The following MEP1A variants were observed in gnomAD, a reference collection of about 807,000 sequenced individuals.
MEP1A encodes meprin A subunit alpha, also known as N-benzoyl-L-tyrosyl-P-amino-benzoic acid hydrolase subunit alpha.
In MEP1A, 68 loss-of-function variants were observed where a neutral mutation model predicts 84.5. The observed-to-expected ratio is 0.80, with a 90% CI of 0.66 to 0.98. MEP1A has a LOEUF of 0.98. Among genes scored for constraint, MEP1A ranks in the 50% least tolerant of loss-of-function variants. The pLI is 0.00. For missense variants in MEP1A, 887 were observed against 919.9 expected (o/e 0.96, Z 0.46); for synonymous variants, 337 against 336.8 (o/e 1.00, Z -0.01).
At position 46,829,458 on chromosome 6, in the gene MEP1A, T is replaced by C; in HGVS notation, c.1031T>C (p.Leu344Pro). ...ILYPKRKQQC[L>P]QFFYKMTGSP... ...TACCCAAAGAGGAAGCAGCAGTGCC[T>C]GCAATTTTTCTATAAAATGACGGGA... Residue 344 changes from leucine (L) to proline (P), a missense_variant, in exon 10 of 14, where the codon CTG becomes CCG. Coordinates refer to ENST00000230588, the MANE Select transcript of MEP1A (RefSeq NM_005588.3). The C allele has an allele frequency of 5.6e-6, 9 of 1,614,124 alleles. No individual in the cohort carries two copies. The highest frequency in any genetic ancestry group is 6.8e-6 in the Non-Finnish European group (8 of 1,179,974).
intron 7 of MEP1A, among the ~76,000 whole-genome samples, chr6:46,824,175 G>C (rs1267014839): frequency 6.6e-6 from 1 of 151,906 alleles, no homozygotes; most frequent in Non-Finnish European, 1.5e-5. Flanking sequence ...ACATTTTCCT[G>C]AATTCAAAAA....
intron 13 of MEP1A, among the ~76,000 whole-genome samples, chr6:46,837,587 T>A (rs1166462787): frequency 3.9e-5 from 6 of 152,172 alleles, no homozygotes; most frequent in Non-Finnish European, 8.8e-5. Flanking sequence ...CCAGATTCCA[T>A]TATGTGTCCC....
rs182513977 is a variant in MEP1A at position 46,826,923 on chromosome 6, G to T, written c.928+420G>T. Among the ~76,000 whole-genome samples the T allele has an allele frequency of 1.7e-3, 254 of 152,258 alleles. 1 individual carries two copies. The highest frequency in any genetic ancestry group is 6.0e-3 in the African/African-American group (249 of 41,550). ...GTAAAAGAAAACCGTGAAATTAATT[G>T]TAATAATGTATTTTTTAACTCAATA... On this transcript the variant is annotated intron_variant, in intron 9 of 13. Transcript: ENST00000230588.
chr6:46,822,329 C>G (rs1162794131), intron 7 of MEP1A, among the ~76,000 whole-genome samples: 1 of 152,148 alleles, frequency 6.6e-6, no homozygotes, highest in Non-Finnish European at 1.5e-5. Context: ...ATCGCATGCC[C>G]TGGATTACAG....
In MEP1A at chr6:46,835,537, T is replaced by A. The variant is rs1161550333; in HGVS notation, c.2072T>A (p.Met691Lys). The change falls in exon 13 of 14, where the codon ATG becomes AAG. Residue 691 changes from methionine (M) to lysine (K), a missense_variant. Coordinates refer to ENST00000230588, the MANE Select transcript of MEP1A (RefSeq NM_005588.3). ...GGCATCTGTGTGAACGTGAAGGGGATGGCGAGCTGCAGGTAGGCTCTGTGG... is the reference window on the plus strand; with the variant it reads ...GGCATCTGTGTGAACGTGAAGGGGAAGGCGAGCTGCAGGTAGGCTCTGTGG... ...NDGICVNVKG[M>K]ASCRCISGHA... 1.2e-6 allele frequency: 2 copies of A among 1,613,500 alleles called. No homozygotes were observed. The highest frequency in any genetic ancestry group is 2.2e-5 in the South Asian group (2 of 90,936).
intron 9 of MEP1A, among the ~76,000 whole-genome samples, chr6:46,828,181 T>C (rs1767991581): frequency 6.6e-6 from 1 of 151,716 alleles, no homozygotes; most frequent in Admixed American, 6.6e-5. Flanking sequence ...ATAATACACC[T>C]GGGCAAGAAT....
downstream of MEP1A, among the ~76,000 whole-genome samples, chr6:46,842,454 G>T (rs1232059423): frequency 6.6e-6 from 1 of 152,148 alleles, no homozygotes; most frequent in Non-Finnish European, 1.5e-5. Context: ...TGCTCTGGGA[G>T]TGTCTGTCTT....
At chr6:46,797,935 C>T (rs201530268) in intron 3 of MEP1A, among the ~76,000 whole-genome samples, 2,448 of 19,878 alleles carry the variant, frequency 0.12, 69 homozygotes, top group African/African-American at 0.25. Context: ...TCCTTCTTTC[C>T]TTCCTTCCTT....
intron 5 of MEP1A, among the ~76,000 whole-genome samples, chr6:46,802,643 T>C (rs2150741359): frequency 6.6e-6 from 1 of 152,008 alleles, no homozygotes; most frequent in East Asian, 1.9e-4. Context: ...CATCTTTGCC[T>C]CATTGGCTTG....
chr6:46,837,985 G>A lies in MEP1A; in HGVS notation c.2085-995G>A, dbSNP rs369491891. Reference sequence around the variant, plus strand: ...CAGCTCACTGCAACTTCCACCCCCCGGGTTCAAGCAATTCTACTGCCTCAG... The same window carrying A: ...CAGCTCACTGCAACTTCCACCCCCCAGGTTCAAGCAATTCTACTGCCTCAG... On this transcript the variant is annotated intron_variant, in intron 13 of 13. Coordinates refer to ENST00000230588, the MANE Select transcript of MEP1A (RefSeq NM_005588.3). Among the ~76,000 whole-genome samples the A allele has an allele frequency of 4.0e-4, 61 of 151,352 alleles. No homozygotes were observed. In the East Asian group the frequency reaches 8.9e-3, roughly 22 times the overall value.
chr6:46,841,534 G>A (rs1235397531), downstream of MEP1A, among the ~76,000 whole-genome samples: 1 of 152,234 alleles, frequency 6.6e-6, no homozygotes, highest in Non-Finnish European at 1.5e-5. Context: ...TCTAGGCAGT[G>A]TGGAATTCAG....
chr6:46,827,910 A>G (rs1767983657), intron 9 of MEP1A, among the ~76,000 whole-genome samples: 1 of 152,214 alleles, frequency 6.6e-6, no homozygotes, highest in South Asian at 2.1e-4. Flanking sequence ...AGCCCAGAAG[A>G]AAGATCTGGA....
intron 6 of MEP1A, among the ~76,000 whole-genome samples, chr6:46,813,621 T>TC (rs1266577464): frequency 6.6e-6 from 1 of 152,146 alleles, no homozygotes; most frequent in African/African-American, 2.4e-5. Flanking sequence ...TGGTTTTTTT[T>TC]CACTGTGTTA....
chr6:46,825,644 C>G, intron 8 of MEP1A, 151 bp downstream of exon 8: 2 of 615,136 alleles, frequency 3.3e-6, no homozygotes, highest in Non-Finnish European at 5.5e-6. Flanking sequence ...TGGTCTACCT[C>G]TAGACCCATT....
At chr6:46,797,832 TTCTTTC>T (rs1013598835) in intron 3 of MEP1A, among the ~76,000 whole-genome samples, 22 of 132,162 alleles carry the variant, frequency 1.7e-4, no homozygotes, top group African/African-American at 5.3e-4. Flanking sequence ...CTTTCTTTCT[TTCTTTC>T]TCTCTCTCTT....
chr6:46,826,341 A>C lies in MEP1A; in HGVS notation c.779-13A>C, dbSNP rs1344523099. Reference sequence around the variant, plus strand: ...TTTCATTTTTAACCAGATGATAAAAATATAATTTGCAGCCACAACTCACAC... The same window carrying C: ...TTTCATTTTTAACCAGATGATAAAACTATAATTTGCAGCCACAACTCACAC... On this transcript the variant is annotated splice_polypyrimidine_tract_variant and intron_variant, in intron 8 of 13. Coordinates refer to ENST00000230588, the MANE Select transcript of MEP1A (RefSeq NM_005588.3). 1 of 1,578,768 alleles carries C rather than the reference A, an allele frequency of 6.3e-7. No individual in the cohort carries two copies. Among genetic ancestry groups the C allele is most frequent in the Non-Finnish European group, 8.6e-7 (1 of 1,162,674 alleles).
At chr6:46,795,542 G>A (rs895544075) in intron 3 of MEP1A, among the ~76,000 whole-genome samples, 5 of 151,986 alleles carry the variant, frequency 3.3e-5, no homozygotes, top group Admixed American at 2.6e-4. Flanking sequence ...CTTGTGATCC[G>A]CCCACCTTAG....
chr6:46,827,370 C>A (rs1767971985), intron 9 of MEP1A, among the ~76,000 whole-genome samples: 1 of 152,206 alleles, frequency 6.6e-6, no homozygotes. Context: ...CAGCTTCACT[C>A]CCCATTTTTC....
At chr6:46,807,554 AAG>A (rs1320962295) in intron 5 of MEP1A, among the ~76,000 whole-genome samples, 3 of 64,628 alleles carry the variant, frequency 4.6e-5, no homozygotes, top group African/African-American at 2.5e-4. Context: ...GAAAGAAAGA[AAG>A]AAAGAAAGAA....
Sources: allele counts gnomAD v4.1 joint callset (sites outside exome capture counted in the v4.1 genomes callset), GRCh38; gene constraint gnomAD v4.1.1; transcripts MANE v1.5; gene names NCBI Gene and HGNC (gene_info 2026-07-23, HGNC 2026-07-21).